ATXN10: variants seen among roughly 807,000 people sequenced by gnomAD.
ATXN10 encodes the protein ataxin 10, also known as ataxin-10.
In ATXN10, 28 loss-of-function variants were observed where a neutral mutation model predicts 52.9. The ratio of observed to expected loss-of-function variants is 0.53; its 90% CI spans 0.39 to 0.73. The LOEUF is 0.73. Among genes scored for constraint, ATXN10 ranks in the 30% least tolerant of loss-of-function variants. The probability of loss-of-function intolerance (pLI) is 0.00; values close to 1 mark genes in which losing one functional copy is unlikely to be tolerated. For synonymous variants in ATXN10, 226 were observed against 221.5 expected (o/e 1.02, Z -0.18); for missense variants, 565 against 577.0 (o/e 0.98, Z 0.21).
In ATXN10 at chr22:45,702,693, T is replaced by C. The variant is rs1291189648; in HGVS notation, c.493T>C (p.Cys165Arg). The change falls in exon 5 of 12, where the codon TGC becomes CGC. Residue 165 changes from cysteine to arginine, a missense_variant. Cys to Arg is a radical substitution (Grantham distance 180). Transcript: ENST00000252934. ...VHAFPELFLS[C>R]LNHPDKKIVA... Reference sequence around the variant, plus strand: ...TCTCATTTCCTTGTTTGGAAGGTCTTGCTTAAATCATCCGGACAAAAAAAT... The same window carrying C: ...TCTCATTTCCTTGTTTGGAAGGTCTCGCTTAAATCATCCGGACAAAAAAAT... 1 of 1,613,934 alleles carries C rather than the reference T, an allele frequency of 6.2e-7. No homozygotes were observed. Among genetic ancestry groups the C allele is most frequent in the Non-Finnish European group, 8.5e-7 (1 of 1,179,898 alleles).
At chr22:45,755,132 C>T (rs115056316) in intron 9 of ATXN10, among the ~76,000 whole-genome samples, 12 of 152,200 alleles carry the variant, frequency 7.9e-5, no homozygotes, top group Admixed American at 3.9e-4. Context: ...ACCCTCCAAA[C>T]GCTTGTTCAG....
At chr22:45,803,735 G>A (rs958742085) in intron 9 of ATXN10, among the ~76,000 whole-genome samples, 2 of 151,938 alleles carry the variant, frequency 1.3e-5, no homozygotes, top group Non-Finnish European at 2.9e-5. Flanking sequence ...TTTACTTTAC[G>A]TACAGGATGC....
chr22:45,717,700 G>T, intron 5 of ATXN10, among the ~76,000 whole-genome samples: 1 of 152,252 alleles, frequency 6.6e-6, no homozygotes, highest in South Asian at 2.1e-4. Flanking sequence ...ATTAAACTAT[G>T]TGTCAATATA....
intron 10 of ATXN10, among the ~76,000 whole-genome samples, chr22:45,812,209 T>C (rs969547178): frequency 6.6e-6 from 1 of 152,242 alleles, no homozygotes; most frequent in Non-Finnish European, 1.5e-5. Context: ...AAACTTGTTC[T>C]GTTCCTTCAG....
chr22:45,732,201 C>CA lies in ATXN10; in HGVS notation c.894+2613dup, dbSNP rs1216170367. ...GAACAGTGGCTCATGCCCGTAATCCCAATACTTTGGGACGCCAAGGCGTGG... is the reference window on the plus strand; with the variant it reads ...GAACAGTGGCTCATGCCCGTAATCCCAAATACTTTGGGACGCCAAGGCGTGG... On this transcript the variant is annotated intron_variant, in intron 7 of 11. Transcript: ENST00000252934. The surrounding 1 kb of genome is among the most constrained non-coding windows in gnomAD (Gnocchi z 4.5). Among the ~76,000 whole-genome samples the CA allele has an allele frequency of 6.6e-6, 1 of 151,956 alleles. No homozygotes were observed. The highest frequency in any genetic ancestry group is 2.4e-5 in the African/African-American group (1 of 41,350).
In ATXN10 at chr22:45,783,770, G is replaced by A. The variant is rs1927230979; in HGVS notation, c.1174-23189G>A. The stretch of plus-strand genomic sequence containing the variant: ...CAAATAAATAAATAGAAGATTAAAA[G>A]AGGTGCCAGGTGTTAGCACACAGAG... On this transcript the variant is annotated intron_variant, in intron 9 of 11. Transcript: ENST00000252934. This position sits in a 1 kb window ranked among gnomAD's most constrained non-coding sequence, Gnocchi z 5.0. Among the ~76,000 whole-genome samples the A allele has an allele frequency of 6.6e-6, 1 of 152,198 alleles. No individual in the cohort carries two copies. The highest frequency in any genetic ancestry group is 2.1e-4 in the South Asian group (1 of 4,824).
chr22:45,714,201 C>G (rs1924358688), intron 5 of ATXN10, among the ~76,000 whole-genome samples: 1 of 151,982 alleles, frequency 6.6e-6, no homozygotes, highest in Non-Finnish European at 1.5e-5. Context: ...TCGTATTTTT[C>G]TTATGAGTTG....
chr22:45,822,087 C>G (rs952437273), intron 10 of ATXN10, among the ~76,000 whole-genome samples: 4 of 152,182 alleles, frequency 2.6e-5, no homozygotes, highest in Non-Finnish European at 4.4e-5. Context: ...GGAATCATAG[C>G]CTGCATTCTT....
rs1022082864 is a variant in ATXN10, at chr22:45,775,535, A to C, written c.1174-31424A>C. ...AGAAATAGTTATTCTGTAGTGTCTCAGTTTTATTAAAATGCAGTTAATATT... is the reference window on the plus strand; with the variant it reads ...AGAAATAGTTATTCTGTAGTGTCTCCGTTTTATTAAAATGCAGTTAATATT... On this transcript the variant is annotated intron_variant, in intron 9 of 11. Coordinates refer to ENST00000252934, the MANE Select transcript of ATXN10 (RefSeq NM_013236.4). The surrounding 1 kb of genome is among the most constrained non-coding windows in gnomAD (Gnocchi z 4.7). Among the ~76,000 whole-genome samples, 3 of 152,212 alleles carry C rather than the reference A, an allele frequency of 2.0e-5. No homozygotes were observed. The highest frequency in any genetic ancestry group is 7.2e-5 in the African/African-American group (3 of 41,446).
At chr22:45,721,945 A>T (rs1032729184) in intron 6 of ATXN10, among the ~76,000 whole-genome samples, 2 of 152,128 alleles carry the variant, frequency 1.3e-5, no homozygotes, top group Non-Finnish European at 2.9e-5. Flanking sequence ...AAAACAAAAC[A>T]GGAATCGTAA....
chr22:45,700,547 C>G (rs1296159961), intron 4 of ATXN10, among the ~76,000 whole-genome samples, 169 bp downstream of exon 4: 1 of 151,922 alleles, frequency 6.6e-6, no homozygotes, highest in Non-Finnish European at 1.5e-5. Flanking sequence ...TAGGGAAACA[C>G]CTGGGTCCTG....
In ATXN10 at chr22:45,685,772, CATATT is replaced by C. The variant is rs145453678; in HGVS notation, c.117-3934_117-3930del. On this transcript the variant is annotated intron_variant, in intron 1 of 11. Transcript: ENST00000252934. ...GTCCTCATCTGATGAAAGTTGTTGACATATTATATTGTATAAAAATATGGTGAATA... is the reference window on the plus strand; with the variant it reads ...GTCCTCATCTGATGAAAGTTGTTGACATATTGTATAAAAATATGGTGAATA... Among the ~76,000 whole-genome samples the C allele has an allele frequency of 9.0e-3, 1,372 of 152,216 alleles. 11 individuals carry two copies. The highest frequency in any genetic ancestry group is 0.031 in the African/African-American group (1,274 of 41,518).
chr22:45,725,597 G>A (rs1010327899), intron 6 of ATXN10, among the ~76,000 whole-genome samples: 5 of 151,938 alleles, frequency 3.3e-5, no homozygotes, highest in African/African-American at 9.7e-5. Context: ...GTATATGATC[G>A]TATCATTGGC....
intron 9 of ATXN10, among the ~76,000 whole-genome samples, chr22:45,779,048 T>C (rs1927056230): frequency 6.6e-6 from 1 of 152,152 alleles, no homozygotes; most frequent in South Asian, 2.1e-4. Context: ...ACTGAGTTTT[T>C]CCAGGCTCTT....
chr22:45,843,792 C>A lies in ATXN10; in HGVS notation c.*121C>A. 3 of 956,212 alleles carry A rather than the reference C, an allele frequency of 3.1e-6. No individual in the cohort carries two copies. Among genetic ancestry groups the A allele is most frequent in the Non-Finnish European group, 4.9e-6 (3 of 610,306 alleles). 59.2% of individuals were successfully genotyped at this position (956,212 alleles called of 1,614,324 possible). On this transcript the variant is annotated 3_prime_UTR_variant, in exon 12 of 12. Coordinates refer to ENST00000252934, the MANE Select transcript of ATXN10 (RefSeq NM_013236.4). The surrounding 1 kb of genome is among the most constrained non-coding windows in gnomAD (Gnocchi z 4.5). Reference sequence around the variant, plus strand: ...AGTACAAATTTGGGAACATACAAATCTTTTAGGTAGTAGAGTTTAACGTGT... The same window carrying A: ...AGTACAAATTTGGGAACATACAAATATTTTAGGTAGTAGAGTTTAACGTGT...
At chr22:45,724,499 A>T (rs1924790651) in intron 6 of ATXN10, among the ~76,000 whole-genome samples, 1 of 151,986 alleles carries the variant, frequency 6.6e-6, no homozygotes, top group Admixed American at 6.5e-5. Flanking sequence ...TCATTTGCCC[A>T]CTTTTTGATG....
chr22:45,776,246 C>T (rs1451457878), intron 9 of ATXN10, among the ~76,000 whole-genome samples: 1 of 152,180 alleles, frequency 6.6e-6, no homozygotes, highest in Admixed American at 6.5e-5. Context: ...TTACCTTAAT[C>T]ATAAACCACC....
rs888973629 is a variant in ATXN10, at chr22:45,732,992, C to A, written c.894+3402C>A. Among the ~76,000 whole-genome samples, 1 of 152,114 alleles carries A rather than the reference C, an allele frequency of 6.6e-6. No homozygotes were observed. The highest frequency in any genetic ancestry group is 1.9e-4 in the East Asian group (1 of 5,198). On this transcript the variant is annotated intron_variant, in intron 7 of 11. Transcript: ENST00000252934. This position sits in a 1 kb window ranked among gnomAD's most constrained non-coding sequence, Gnocchi z 4.5. ...TTAAAATCCCAAGGTTTTCTTCATACGTTTCTTTATAAAAATAGTTTTGGG... is the reference window on the plus strand; with the variant it reads ...TTAAAATCCCAAGGTTTTCTTCATAAGTTTCTTTATAAAAATAGTTTTGGG...
chr22:45,825,154 C>A lies in ATXN10; in HGVS notation c.1238-17837C>A. Among the ~76,000 whole-genome samples, 1 of 152,314 alleles carries A rather than the reference C, an allele frequency of 6.6e-6. No homozygotes were observed. Among genetic ancestry groups the A allele is most frequent in the Non-Finnish European group, 1.5e-5 (1 of 68,026 alleles). On this transcript the variant is annotated intron_variant, in intron 10 of 11. Coordinates refer to ENST00000252934, the MANE Select transcript of ATXN10 (RefSeq NM_013236.4). This position sits in a 1 kb window ranked among gnomAD's most constrained non-coding sequence, Gnocchi z 4.5. Reference sequence around the variant, plus strand: ...CAAAAAGACCCTGACATGCAAATATCTGGGGTCAGTGCTCTGATTACTGAT... The same window carrying A: ...CAAAAAGACCCTGACATGCAAATATATGGGGTCAGTGCTCTGATTACTGAT...
Sources: gnomAD v4.1 joint callset for allele counts (sites outside exome capture counted in the v4.1 genomes callset) on GRCh38, gnomAD v4.1.1 for gene constraint, Gnocchi (gnomAD v3.1) non-coding constraint, MANE v1.5 for transcripts, NCBI Gene and HGNC (gene_info 2026-07-23, HGNC 2026-07-21) for gene names.